CAP1: variants seen among roughly 807,000 people sequenced by gnomAD.
The protein encoded by CAP1 is adenylyl cyclase-associated protein 1.
Under a neutral mutation model 58.2 loss-of-function variants are expected in CAP1, and 11 were observed. The observed-to-expected ratio is 0.19, with a 90% confidence interval of 0.12 to 0.31. CAP1 has a LOEUF of 0.31. CAP1 is among the 10% of genes least tolerant of loss of function. CAP1 has a pLI of 1.00. For missense variants in CAP1, 423 were observed against 587.5 expected (o/e 0.72, Z 2.89); for synonymous variants, 183 against 213.8 (o/e 0.86, Z 1.26).
chr1:40,066,087 T>C (rs771644802), intron 6 of CAP1, 128 bp from the exon 7 acceptor site: 68 of 614,570 alleles, frequency 1.1e-4, no homozygotes, highest in Non-Finnish European at 1.9e-4. Context: ...ATAGAAAAGC[T>C]GCCATTGAGC....
At position 40,072,281 on chromosome 1, in the gene CAP1, T is replaced by C. The variant is rs1450794462; in HGVS notation, c.*748T>C. ...AAAAAAAAAAAAAAAACCCACATGA[T>C]TTCAAGGAGTCTGGCATTCCTGAAT... On this transcript the variant is annotated 3_prime_UTR_variant, in exon 13 of 13. Coordinates refer to ENST00000372805, the MANE Select transcript of CAP1 (RefSeq NM_006367.4). 1 of 383,242 alleles carries C rather than the reference T, an allele frequency of 2.6e-6. No homozygotes were observed. Among genetic ancestry groups the C allele is most frequent in the Non-Finnish European group, 4.6e-6 (1 of 217,792 alleles). The allele number at this position is 383,242 out of a possible 1,614,324, so 23.7% of individuals were successfully genotyped here. A position where few individuals can be genotyped will look rare whatever the true frequency, so the allele number is the denominator to read the frequency against.
intron 6 of CAP1, 81 bp downstream of exon 6, chr1:40,064,640 A>G: frequency 9.5e-7 from 1 of 1,048,622 alleles, no homozygotes; most frequent in Non-Finnish European, 1.5e-6. Flanking sequence ...ACAGTGGCAC[A>G]ATCACAGCTC....
intron 6 of CAP1, among the ~76,000 whole-genome samples, chr1:40,065,981 T>C (rs915623272): frequency 1.3e-5 from 2 of 152,184 alleles, no homozygotes; most frequent in African/African-American, 4.8e-5. Flanking sequence ...AACATTGCTA[T>C]GAGAGATAGA....
In CAP1 at chr1:40,072,097, T is replaced by C; in HGVS notation, c.*564T>C. 1 of 401,954 alleles carries C rather than the reference T, an allele frequency of 2.5e-6. No homozygotes were observed. Among genetic ancestry groups the C allele is most frequent in the Non-Finnish European group, 4.4e-6 (1 of 227,826 alleles). 24.9% of individuals were successfully genotyped at this position (401,954 alleles called of 1,614,324 possible). A position where few individuals can be genotyped will look rare whatever the true frequency, so the allele number is the denominator to read the frequency against. Reference sequence around the variant, plus strand: ...CTATAAGCATTCCTTTTATTCTCTATTCTATCCTGGGTCTGCCTCAACCGT... The same window carrying C: ...CTATAAGCATTCCTTTTATTCTCTACTCTATCCTGGGTCTGCCTCAACCGT... On this transcript the variant is annotated 3_prime_UTR_variant, in exon 13 of 13. Coordinates refer to ENST00000372805, the MANE Select transcript of CAP1 (RefSeq NM_006367.4).
chr1:40,064,005 C>T (rs1440922263), intron 4 of CAP1, among the ~76,000 whole-genome samples: 2 of 152,094 alleles, frequency 1.3e-5, no homozygotes, highest in Non-Finnish European at 2.9e-5. Context: ...AAGTATGGGT[C>T]CTGATCATGA....
rs1647408291 is a variant in CAP1 at position 40,069,618 on chromosome 1, T to C, written c.809-72T>C. 4.4e-6 allele frequency: 6 copies of C among 1,349,300 alleles called. No homozygotes were observed. In the South Asian group the frequency reaches 7.8e-5, roughly 18 times the overall value. The allele number at this position is 1,349,300 out of a possible 1,614,324, so 83.6% of individuals were successfully genotyped here. A position where few individuals can be genotyped will look rare whatever the true frequency, so the allele number is the denominator to read the frequency against. On this transcript the variant is annotated intron_variant, in intron 8 of 12. Coordinates refer to ENST00000372805, the MANE Select transcript of CAP1 (RefSeq NM_006367.4). ...TTGGCTTTGAATTTTCTGTTAAGGA[T>C]GTTTAACATGACGATAGCAGCTCAA...
rs1037631007 is a variant in CAP1 at position 40,059,407 on chromosome 1, G to T, written c.61G>T (p.Val21Leu). The change falls in exon 2 of 13, where the codon GTA becomes TTA. Residue 21 changes from valine to leucine, a missense_variant. Transcript: ENST00000372805. ...GAGGGCAGTGGGCCGCCTGGAGGCA[G>T]TATCTCATACCTCTGACATGCACCG... ...LERAVGRLEA[V>L]SHTSDMHRGY... The T allele has an allele frequency of 6.2e-7, 1 of 1,613,786 alleles. No individual in the cohort carries two copies. Among genetic ancestry groups the T allele is most frequent in the African/African-American group, 1.3e-5 (1 of 74,926 alleles).
chr1:40,051,760 GGGGTTTCA>G (rs1219191539), intron 1 of CAP1, among the ~76,000 whole-genome samples: 1 of 151,906 alleles, frequency 6.6e-6, no homozygotes, highest in East Asian at 1.9e-4. Context: ...TATTAGAGAC[GGGGTTTCA>G]CAGTGTTAGC....
At chr1:40,066,163 C>G (rs1647069288) in intron 6 of CAP1, 52 bp from the exon 7 acceptor site, 1 of 1,000,192 alleles carries the variant, frequency 1.0e-6, no homozygotes, top group Admixed American at 1.7e-5. Context: ...CTGGAGTCAC[C>G]ACTGTTATGT....
chr1:40,062,928 T>G (rs1183407443), intron 4 of CAP1, among the ~76,000 whole-genome samples: 2 of 152,054 alleles, frequency 1.3e-5, no homozygotes, highest in African/African-American at 4.8e-5. Context: ...ACAAACAAAA[T>G]TCATCCATTT....
chr1:40,052,695 G>C (rs1453017212), intron 1 of CAP1, among the ~76,000 whole-genome samples: 1 of 152,046 alleles, frequency 6.6e-6, no homozygotes, highest in Non-Finnish European at 1.5e-5. Flanking sequence ...TGCCTGGCCT[G>C]AGAAGCCTTA....
At chr1:40,044,788 CTTTTTTTTTTTTTT>C (rs71060347) in intron 1 of CAP1, among the ~76,000 whole-genome samples, 29 of 85,246 alleles carry the variant, frequency 3.4e-4, no homozygotes, top group South Asian at 2.3e-3. Flanking sequence ...CCATATAATT[CTTTTTTTTTTTTTT>C]TTTTTTTTTT....
At chr1:40,047,687 T>C (rs970100878) in intron 1 of CAP1, among the ~76,000 whole-genome samples, 1 of 152,204 alleles carries the variant, frequency 6.6e-6, no homozygotes, top group Admixed American at 6.5e-5. Context: ...GACTGCCGAG[T>C]GCTCTGTGCA....
chr1:40,063,900 T>C (rs1283699982), intron 4 of CAP1, among the ~76,000 whole-genome samples: 1 of 152,050 alleles, frequency 6.6e-6, no homozygotes, highest in African/African-American at 2.4e-5. Context: ...GAGAACATCA[T>C]GAGTAAGGCA....
At chr1:40,040,305 C>T (rs1428092841), upstream of CAP1, 1 of 152,002 alleles carries the variant, frequency 6.6e-6, no homozygotes, top group Non-Finnish European at 1.5e-5. Context: ...ATCCTGGCCC[C>T]CAGTCGTTCC....
At position 40,067,552 on chromosome 1, in the gene CAP1, A is replaced by G. The variant is rs1443909377; in HGVS notation, c.643A>G (p.Lys215Glu). The change falls in exon 8 of 13, where the codon AAA (lysine) becomes GAA (glutamate). Residue 215 changes from lysine to glutamate, a missense_variant. Lys to Glu is a moderately conservative substitution (Grantham distance 56). Coordinates refer to ENST00000372805, the MANE Select transcript of CAP1 (RefSeq NM_006367.4). ...CTTATTGTTCCAGGGGCCTGTGGCA[A>G]AAGAACTGAGCGGACTGCCATCTGG... ...LAWSKTGPVA[K>E]ELSGLPSGPS... 1.2e-6 allele frequency: 2 copies of G among 1,609,644 alleles called. No homozygotes were observed. Among genetic ancestry groups the G allele is most frequent in the Admixed American group, 1.7e-5 (1 of 59,332 alleles).
chr1:40,046,965 G>T (rs1009002642), intron 1 of CAP1, among the ~76,000 whole-genome samples: 1 of 152,180 alleles, frequency 6.6e-6, no homozygotes, highest in African/African-American at 2.4e-5. Context: ...TAGAGATGGG[G>T]TTTAACTATA....
chr1:40,057,198 A>G (rs1006494693), intron 1 of CAP1, among the ~76,000 whole-genome samples: 15 of 152,228 alleles, frequency 9.9e-5, no homozygotes, highest in Non-Finnish European at 2.9e-5. Context: ...TGAAACATCC[A>G]TGTATGAAGG....
intron 1 of CAP1, among the ~76,000 whole-genome samples, chr1:40,058,994 A>G (rs184226514): frequency 3.8e-5 from 5 of 132,330 alleles, no homozygotes; most frequent in Admixed American, 3.7e-4. Context: ...TCAAACTGAG[A>G]TAATGTATGT....
Sources: allele counts gnomAD v4.1 joint callset (sites outside exome capture counted in the v4.1 genomes callset), GRCh38; gene constraint gnomAD v4.1.1; transcripts MANE v1.5; gene names NCBI Gene and HGNC (gene_info 2026-07-23, HGNC 2026-07-21).